The following PRORP variants were observed in gnomAD, a reference collection of about 807,000 sequenced individuals.
The protein encoded by PRORP is mitochondrial ribonuclease P catalytic subunit.
PRORP carries 51 observed loss-of-function variants against 59.4 expected under a neutral mutation model. That is an observed-to-expected ratio of 0.86 (90% CI 0.69 to 1.08). The LOEUF (loss-of-function observed/expected upper bound fraction) is 1.08, where lower values mean the gene tolerates loss of function less well. Among genes scored for constraint, PRORP ranks in the 50% least tolerant of loss-of-function variants. The pLI is 0.00. For missense variants in PRORP, 646 were observed against 690.3 expected (o/e 0.94, Z 0.72); for synonymous variants, 231 against 245.6 (o/e 0.94, Z 0.55).
rs975925155 is a variant in PRORP at position 35,261,603 on chromosome 14, C to A, written c.1276-5124C>A. ...AATTAGCTGGGCGTTGTGGCGGGTG[C>A]CTGTAATCACAGCTACTCAGGAGAT... On this transcript the variant is annotated intron_variant, in intron 5 of 7. Transcript: ENST00000534898. Among the ~76,000 whole-genome samples, 7 of 151,712 alleles carry A rather than the reference C, an allele frequency of 4.6e-5. No homozygotes were observed. The South Asian group carries it at 1.2e-3, about 27-fold the overall frequency.
At chr14:35,192,088 T>A (rs191893037) in intron 5 of PRORP, among the ~76,000 whole-genome samples, 315 of 152,294 alleles carry the variant, frequency 2.1e-3, no homozygotes, top group Non-Finnish European at 3.6e-3. Context: ...AAGTTCCTCA[T>A]CGTGGATTAT....
At chr14:35,268,586 C>T (rs1386842260) in intron 6 of PRORP, among the ~76,000 whole-genome samples, 3 of 152,042 alleles carry the variant, frequency 2.0e-5, no homozygotes, top group African/African-American at 7.2e-5. Context: ...CAAGATTTGT[C>T]AGTATTCTCC....
chr14:35,202,431 G>T (rs2049180438), intron 5 of PRORP, among the ~76,000 whole-genome samples: 1 of 151,866 alleles, frequency 6.6e-6, no homozygotes, highest in South Asian at 2.1e-4. Flanking sequence ...TTTTTCAGGG[G>T]TTAATCTTAT....
At chr14:35,165,399 A>G (rs2048159207) in intron 4 of PRORP, among the ~76,000 whole-genome samples, 1 of 152,162 alleles carries the variant, frequency 6.6e-6, no homozygotes, top group African/African-American at 2.4e-5. Flanking sequence ...TCTATGCTTT[A>G]TTCTCCTAAT....
At chr14:35,182,828 T>C (rs972624369) in intron 5 of PRORP, among the ~76,000 whole-genome samples, 1 of 152,192 alleles carries the variant, frequency 6.6e-6, no homozygotes, top group African/African-American at 2.4e-5. Flanking sequence ...TTTTGGTGGA[T>C]GATTTGTCTG....
At chr14:35,159,339 C>T (rs776438357) in intron 4 of PRORP, among the ~76,000 whole-genome samples, 1 of 152,144 alleles carries the variant, frequency 6.6e-6, no homozygotes, top group African/African-American at 2.4e-5. Flanking sequence ...CTAAAATATA[C>T]TTCTACCTCC....
chr14:35,129,000 C>T (rs549816131), intron 4 of PRORP, among the ~76,000 whole-genome samples: 5 of 150,698 alleles, frequency 3.3e-5, no homozygotes, highest in Admixed American at 6.6e-5. Context: ...AGTTCGAGAC[C>T]GGCCTGGCTA....
chr14:35,168,964 A>G (rs1381497506), intron 4 of PRORP, among the ~76,000 whole-genome samples: 1 of 150,798 alleles, frequency 6.6e-6, no homozygotes, highest in Non-Finnish European at 1.5e-5. Flanking sequence ...TTTTTGCCTT[A>G]TTAGCTTTTC....
chr14:35,236,469 A>C (rs1367686909), intron 5 of PRORP, among the ~76,000 whole-genome samples: 2 of 152,202 alleles, frequency 1.3e-5, no homozygotes, highest in Non-Finnish European at 2.9e-5. Context: ...AGCCCACTGA[A>C]GTCTGGCTTA....
intron 7 of PRORP, among the ~76,000 whole-genome samples, chr14:35,273,213 A>G (rs2051238730): frequency 6.6e-6 from 1 of 152,206 alleles, no homozygotes; most frequent in Non-Finnish European, 1.5e-5. Flanking sequence ...ATGCTTCTAC[A>G]GAGAGTCTTT....
In PRORP at chr14:35,127,676, T is replaced by C. The variant is rs1595156527; in HGVS notation, c.1167+65T>C. The C allele has an allele frequency of 3.9e-6, 6 of 1,553,002 alleles. No homozygotes were observed. The East Asian group carries it at 1.4e-4, about 35-fold the overall frequency. On this transcript the variant is annotated intron_variant, in intron 4 of 7. Transcript: ENST00000534898. ...CTAGAGCAGGGGTTAGCAATTTTTG[T>C]AAAATGCCAGATACTAAATATTTTA...
intron 5 of PRORP, among the ~76,000 whole-genome samples, chr14:35,240,752 A>C (rs974412323): frequency 3.3e-5 from 5 of 152,120 alleles, no homozygotes; most frequent in African/African-American, 1.2e-4. Context: ...TAAATCAACA[A>C]ATTCTGCTGA....
intron 5 of PRORP, among the ~76,000 whole-genome samples, chr14:35,236,783 T>C (rs1400549412): frequency 6.6e-6 from 1 of 152,088 alleles, no homozygotes; most frequent in Non-Finnish European, 1.5e-5. Flanking sequence ...GACAGGTACT[T>C]GAAACTAAAT....
intron 4 of PRORP, among the ~76,000 whole-genome samples, chr14:35,164,551 T>C (rs573168884): frequency 1.3e-5 from 2 of 152,320 alleles, no homozygotes; most frequent in African/African-American, 4.8e-5. Context: ...AAGCAGATAC[T>C]GCAAGTTCTT....
chr14:35,271,871 C>A (rs1172734558), intron 7 of PRORP, among the ~76,000 whole-genome samples: 1 of 151,932 alleles, frequency 6.6e-6, no homozygotes, highest in Non-Finnish European at 1.5e-5. Flanking sequence ...ACTAAAAATA[C>A]AAAAATTAGC....
At position 35,188,961 on chromosome 14, in the gene PRORP, A is replaced by AAAAAAAAGAAAG. The variant is rs1555326788; in HGVS notation, c.1275+8187_1275+8188insAAAAGAAAGAAA. On this transcript the variant is annotated intron_variant, in intron 5 of 7. Transcript: ENST00000534898. ...CTGTCTAAAAAAAAAAAAAAAAAAAAAAAGTATTGCCTAATCCAAGGTCAT... is the reference window on the plus strand; with the variant it reads ...CTGTCTAAAAAAAAAAAAAAAAAAAAAAAAAAAGAAAGAAAGTATTGCCTAATCCAAGGTCAT... 5.8e-4 allele frequency among the ~76,000 whole-genome samples: 77 copies of AAAAAAAAGAAAG among 132,728 alleles called. 2 individuals are homozygous for AAAAAAAAGAAAG. The highest frequency in any genetic ancestry group is 1.1e-3 in the African/African-American group (40 of 35,092). The allele number at this position is 132,728 out of a possible 152,430, so 87.1% of individuals were successfully genotyped here.
At chr14:35,128,918 C>A (rs376598345) in intron 4 of PRORP, among the ~76,000 whole-genome samples, 30 of 151,858 alleles carry the variant, frequency 2.0e-4, no homozygotes, top group Non-Finnish European at 4.0e-4. Flanking sequence ...CATATTTGGC[C>A]GGGCGCGATG....
intron 4 of PRORP, among the ~76,000 whole-genome samples, chr14:35,170,363 TG>T (rs1306950302): frequency 3.9e-5 from 6 of 152,308 alleles, no homozygotes; most frequent in Middle Eastern, 3.4e-3. Flanking sequence ...ATTCATCTAT[TG>T]GCTTTTATCT....
intron 5 of PRORP, among the ~76,000 whole-genome samples, chr14:35,200,184 T>TTGTA (rs1361025790): frequency 1.6e-5 from 2 of 122,600 alleles, no homozygotes; most frequent in Non-Finnish European, 3.6e-5. Context: ...GCAAAATTTT[T>TTGTA]TGTTTGTTTG....
Sources: allele counts gnomAD v4.1 joint callset (sites outside exome capture counted in the v4.1 genomes callset), GRCh38; gene constraint gnomAD v4.1.1; transcripts MANE v1.5; gene names NCBI Gene and HGNC (gene_info 2026-07-23, HGNC 2026-07-21).